The following GABRA4 variants were observed in gnomAD, a reference collection of about 807,000 sequenced individuals.
The protein encoded by GABRA4 is gamma-aminobutyric acid receptor subunit alpha-4.
A neutral mutation model predicts 49.7 loss-of-function variants in GABRA4; 12 were observed. The observed-to-expected ratio is 0.24, with a 90% CI of 0.15 to 0.39. The LOEUF is 0.39. Ranked by LOEUF, GABRA4 falls within the 10% of genes least tolerant of loss-of-function variation. The pLI is 1.00. For missense variants in GABRA4, 506 were observed against 686.0 expected (o/e 0.74, Z 2.93); for synonymous variants, 288 against 240.2 (o/e 1.20, Z -1.84).
chr4:46,928,703 G>A lies in GABRA4; in HGVS notation c.1187C>T (p.Ser396Phe). Reference protein sequence around the residue: ...MRKRTNALVHSESDVGNRTEV... With the variant: ...MRKRTNALVHFESDVGNRTEV... ...AGTTCTGTTGCCAACATCAGATTCA[G>A]AGTGAACCAAAGCATTTGTTCTTTT... is the stretch of plus-strand genomic sequence containing the variant. Residue 396 changes from serine (S) to phenylalanine (F), a missense_variant, in exon 9 of 9, where the codon TCT (serine) becomes TTT (phenylalanine). Around this residue, in one of 5 missense-constraint regions of GABRA4, gnomAD observed 243 missense variants for 210.8 expected, o/e 1.15. Transcript: ENST00000264318. 3 of 1,613,076 alleles carry A rather than the reference G, an allele frequency of 1.9e-6. No individual in the cohort carries two copies. The highest frequency in any genetic ancestry group is 2.5e-6 in the Non-Finnish European group (3 of 1,179,360).
intron 8 of GABRA4, among the ~76,000 whole-genome samples, chr4:46,958,861 A>G (rs1227423491): frequency 6.6e-6 from 1 of 151,962 alleles, no homozygotes; most frequent in Non-Finnish European, 1.5e-5. Context: ...GAGTTACCCA[A>G]AGGTCTACTG....
rs780246745 is a variant in GABRA4, at chr4:46,977,159, C to T, written c.495-16G>A. 1.3e-6 allele frequency: 2 copies of T among 1,502,288 alleles called. No homozygotes were observed. The highest frequency in any genetic ancestry group is 1.9e-5 in the Admixed American group (1 of 53,722). The allele number at this position is 1,502,288 out of a possible 1,614,324, so 93.1% of individuals were successfully genotyped here. On this transcript the variant is annotated splice_polypyrimidine_tract_variant and intron_variant, in intron 4 of 8. Coordinates refer to ENST00000264318, the MANE Select transcript of GABRA4 (RefSeq NM_000809.4). The stretch of plus-strand genomic sequence containing the variant: ...TATGGTGAGTCTATGATGAAAAATG[C>T]AATTAAATAAAATCAACCCTTTTAA...
chr4:46,928,386 T>C lies in GABRA4; in HGVS notation c.1504A>G (p.Thr502Ala). Residue 502 changes from threonine to alanine, a missense_variant, in exon 9 of 9, where the codon ACT becomes GCT. Physicochemically the swap from Thr to Ala is moderately conservative, Grantham distance 58. This residue lies in a region of GABRA4 where 243 missense variants were observed against 210.8 expected (regional missense o/e 1.15). Coordinates refer to ENST00000264318, the MANE Select transcript of GABRA4 (RefSeq NM_000809.4). ...GGTGGTGGAGCCGATGGAGGAGGAGTAGCTGACAACTTCCCAGTAGCCCCT... is the reference window on the plus strand; with the variant it reads ...GGTGGTGGAGCCGATGGAGGAGGAGCAGCTGACAACTTCCCAGTAGCCCCT... Reference protein sequence around the residue: ...TIGATGKLSATPPPSAPPPSG... With the variant: ...TIGATGKLSAAPPPSAPPPSG... The C allele has an allele frequency of 6.2e-7, 1 of 1,613,542 alleles. No homozygotes were observed. The highest frequency in any genetic ancestry group is 2.2e-5 in the East Asian group (1 of 44,848).
intron 2 of GABRA4, among the ~76,000 whole-genome samples, chr4:46,987,592 CT>C (rs370192207): frequency 2.6e-3 from 391 of 151,320 alleles, no homozygotes; most frequent in African/African-American, 7.4e-3. Flanking sequence ...ACTTCTCTCT[CT>C]TTTTTTTTAA....
chr4:46,972,729 A>G (rs28369021), intron 6 of GABRA4, among the ~76,000 whole-genome samples: 14,973 of 151,688 alleles, frequency 0.099, 882 homozygotes, highest in South Asian at 0.24. Context: ...CAGAAATACT[A>G]TGCCCTTTGA....
rs1720986691 is a variant in GABRA4, at chr4:46,920,543, TATTC to T, written c.*7678_*7681del. ...ATCCTAATTGCACTTCACATGATGA[TATTC>T]ATATATGATCTGCAAAATTCAAGGG... is the stretch of plus-strand genomic sequence containing the variant. On this transcript the variant is annotated 3_prime_UTR_variant, in exon 9 of 9. Transcript: ENST00000264318. The T allele has an allele frequency of 6.6e-6, 1 of 151,736 alleles. No individual in the cohort carries two copies. The allele number at this position is 151,736 out of a possible 1,614,324, so 9.4% of individuals were successfully genotyped here.
At chr4:46,988,137 T>G (rs762787451) in intron 2 of GABRA4, among the ~76,000 whole-genome samples, 6 of 152,166 alleles carry the variant, frequency 3.9e-5, no homozygotes, top group Non-Finnish European at 7.4e-5. Context: ...CTGACACCTT[T>G]AAGTCTTAGC....
chr4:46,991,195 A>G (rs1723731943), intron 2 of GABRA4, among the ~76,000 whole-genome samples: 1 of 152,160 alleles, frequency 6.6e-6, no homozygotes, highest in Non-Finnish European at 1.5e-5. Flanking sequence ...CAAAGAAAAA[A>G]AAAGAAATAT....
intron 2 of GABRA4, among the ~76,000 whole-genome samples, chr4:46,989,654 T>C (rs935096408): frequency 1.3e-5 from 2 of 152,246 alleles, no homozygotes; most frequent in Admixed American, 6.5e-5. Context: ...AACCCCTGCC[T>C]GGCCTACTGA....
At chr4:46,962,116 A>C (rs765219243) in intron 8 of GABRA4, among the ~76,000 whole-genome samples, 1 of 151,748 alleles carries the variant, frequency 6.6e-6, no homozygotes, top group Non-Finnish European at 1.5e-5. Flanking sequence ...CTTCTTGCTT[A>C]TTGGTTTTGT....
chr4:46,956,181 G>T (rs555729642), intron 8 of GABRA4, among the ~76,000 whole-genome samples: 20 of 152,078 alleles, frequency 1.3e-4, no homozygotes, highest in South Asian at 1.0e-3. Context: ...CTTAAAACAG[G>T]TATGAGTTTG....
intron 8 of GABRA4, among the ~76,000 whole-genome samples, chr4:46,948,688 G>C (rs2109355390): frequency 6.6e-6 from 1 of 152,136 alleles, no homozygotes; most frequent in East Asian, 1.9e-4. Flanking sequence ...GATTCATACT[G>C]TCTCTCCCCA....
chr4:46,972,263 A>T (rs1722974042), intron 6 of GABRA4, among the ~76,000 whole-genome samples: 1 of 151,754 alleles, frequency 6.6e-6, no homozygotes, highest in East Asian at 1.9e-4. Context: ...GAAATTTAGG[A>T]GAGAGGAGCA....
chr4:46,991,598 T>C (rs1723744711), intron 2 of GABRA4, among the ~76,000 whole-genome samples: 1 of 152,210 alleles, frequency 6.6e-6, no homozygotes, highest in Non-Finnish European at 1.5e-5. Context: ...ATGCTTCTAA[T>C]ATTAGATGAT....
intron 8 of GABRA4, among the ~76,000 whole-genome samples, chr4:46,937,144 A>G (rs1721628209): frequency 6.6e-6 from 1 of 152,156 alleles, no homozygotes; most frequent in African/African-American, 2.4e-5. Context: ...AGAAAAAGAA[A>G]TACCAGGTTT....
At chr4:46,941,104 A>G (rs995262773) in intron 8 of GABRA4, among the ~76,000 whole-genome samples, 3 of 152,020 alleles carry the variant, frequency 2.0e-5, no homozygotes, top group African/African-American at 7.2e-5. Context: ...CAGCACATTA[A>G]TGTATACTGC....
At chr4:46,988,955 G>A (rs1281433962) in intron 2 of GABRA4, among the ~76,000 whole-genome samples, 2 of 152,196 alleles carry the variant, frequency 1.3e-5, no homozygotes, top group Non-Finnish European at 2.9e-5. Flanking sequence ...GATGATGTCT[G>A]CCTTATCTCT....
intron 7 of GABRA4, among the ~76,000 whole-genome samples, chr4:46,966,069 GAA>G (rs956310715): frequency 1.3e-5 from 2 of 151,350 alleles, no homozygotes; most frequent in African/African-American, 4.8e-5. Flanking sequence ...ACTCTTAGCA[GAA>G]AAATTCTCCT....
chr4:46,993,186 C>A (rs1302922668), intron 1 of GABRA4, among the ~76,000 whole-genome samples, 153 bp downstream of exon 1: 3 of 152,180 alleles, frequency 2.0e-5, no homozygotes, highest in African/African-American at 4.8e-5. Context: ...CGCATCTATG[C>A]GGTCACAGAA....
Sources: gnomAD v4.1 joint callset for allele counts (sites outside exome capture counted in the v4.1 genomes callset) on GRCh38, gnomAD v4.1.1 for gene constraint, gnomAD v4.1.1 regional missense constraint, MANE v1.5 for transcripts, NCBI Gene and HGNC (gene_info 2026-07-23, HGNC 2026-07-21) for gene names.